Variants in B3GALT1 observed in about 807,000 individuals in gnomAD.
B3GALT1 encodes beta-1,3-galactosyltransferase 1.
A neutral mutation model predicts 23.2 loss-of-function variants in B3GALT1; 10 were observed. The ratio of observed to expected loss-of-function variants is 0.43; its 90% CI spans 0.27 to 0.73. The LOEUF is 0.73. Among genes scored for constraint, B3GALT1 ranks in the 30% least tolerant of loss-of-function variants. The pLI, the probability that B3GALT1 is intolerant of heterozygous loss-of-function variation, is 0.21. For missense variants in B3GALT1, 299 were observed against 405.4 expected, an observed-to-expected ratio of 0.74 and a Z score of 2.25; for synonymous variants, 156 against 141.5, an observed-to-expected ratio of 1.10 and a Z score of -0.73.
chr2:167,657,995 C>A (rs1157602594), intron 3 of B3GALT1, among the ~76,000 whole-genome samples: 1 of 151,844 alleles, frequency 6.6e-6, no homozygotes, highest in African/African-American at 2.4e-5. Context: ...GAGATTCATT[C>A]CCACCAACAT....
At chr2:167,661,143 A>G (rs1686054263) in intron 3 of B3GALT1, among the ~76,000 whole-genome samples, 1 of 152,146 alleles carries the variant, frequency 6.6e-6, no homozygotes, top group African/African-American at 2.4e-5. Context: ...TACAAAAGAA[A>G]TTAATTGAAT....
chr2:167,556,859 G>A (rs953437412), intron 2 of B3GALT1, among the ~76,000 whole-genome samples: 1 of 152,126 alleles, frequency 6.6e-6, no homozygotes, highest in African/African-American at 2.4e-5. Context: ...CCATCTTCCT[G>A]CAATGGAATA....
intron 2 of B3GALT1, among the ~76,000 whole-genome samples, chr2:167,554,616 AAGAGT>A (rs1359058182): frequency 1.3e-5 from 2 of 152,206 alleles, no homozygotes; most frequent in African/African-American, 2.4e-5. Flanking sequence ...TGTATGCAAT[AAGAGT>A]AAAGACTATT....
chr2:167,547,900 T>C (rs886860645), intron 2 of B3GALT1, among the ~76,000 whole-genome samples: 2 of 152,146 alleles, frequency 1.3e-5, no homozygotes, highest in African/African-American at 2.4e-5. Flanking sequence ...CAATTTCCAC[T>C]GGCTATGTGT....
intron 2 of B3GALT1, among the ~76,000 whole-genome samples, chr2:167,553,089 AT>A (rs1485758187): frequency 1.3e-5 from 2 of 152,202 alleles, no homozygotes; most frequent in Admixed American, 1.3e-4. Context: ...AAAATATTTA[AT>A]TCCAATCCAG....
At chr2:167,734,355 T>A (rs954951317) in intron 3 of B3GALT1, among the ~76,000 whole-genome samples, 2 of 152,176 alleles carry the variant, frequency 1.3e-5, no homozygotes, top group Non-Finnish European at 2.9e-5. Context: ...TTTACAAGTT[T>A]GTTTGTTTGT....
intron 2 of B3GALT1, among the ~76,000 whole-genome samples, chr2:167,641,304 C>T (rs779972234): frequency 1.3e-5 from 2 of 152,102 alleles, no homozygotes; most frequent in Non-Finnish European, 1.5e-5. Context: ...CCCTTCAAAC[C>T]ACTTCATTCA....
At position 167,700,333 on chromosome 2, in the gene B3GALT1, C is replaced by G. The variant is rs1686859171; in HGVS notation, c.-352+53367C>G. ...TTAGCAATCTATATGGGAAAGGTTA[C>G]CTTTTCTTGATCTGTTAGAGTTTTT... is the stretch of plus-strand genomic sequence containing the variant. On this transcript the variant is annotated intron_variant, in intron 3 of 4. Coordinates refer to ENST00000392690, the MANE Select transcript of B3GALT1 (RefSeq NM_020981.4). Among the ~76,000 whole-genome samples the G allele has an allele frequency of 4.6e-5, 7 of 152,262 alleles. No homozygotes were observed. The South Asian group carries it at 1.0e-3, about 23-fold the overall frequency.
intron 1 of B3GALT1, among the ~76,000 whole-genome samples, chr2:167,382,353 C>G (rs553238580): frequency 6.6e-6 from 1 of 151,764 alleles, no homozygotes; most frequent in Admixed American, 6.6e-5. Context: ...TTTTTTCCCT[C>G]TTTACTACTT....
intron 2 of B3GALT1, among the ~76,000 whole-genome samples, chr2:167,514,316 G>A (rs987744636): frequency 2.6e-5 from 4 of 152,160 alleles, no homozygotes; most frequent in Admixed American, 1.3e-4. Flanking sequence ...ATCCCATTTT[G>A]TAAAAGAAAA....
intron 3 of B3GALT1, among the ~76,000 whole-genome samples, chr2:167,650,382 T>C (rs1685840727): frequency 6.6e-6 from 1 of 150,930 alleles, no homozygotes; most frequent in Non-Finnish European, 1.5e-5. Flanking sequence ...CACTTGGTCA[T>C]GTTATATATA....
intron 1 of B3GALT1, among the ~76,000 whole-genome samples, chr2:167,451,281 A>G (rs1699086961): frequency 6.6e-6 from 1 of 152,070 alleles, no homozygotes; most frequent in Admixed American, 6.6e-5. Flanking sequence ...GTTTTGTCAT[A>G]TTACCAGAAT....
chr2:167,501,872 G>A (rs899738608), intron 2 of B3GALT1, among the ~76,000 whole-genome samples: 4 of 152,234 alleles, frequency 2.6e-5, no homozygotes, highest in African/African-American at 7.2e-5. Context: ...ACAAGTACAT[G>A]AATGAATTGC....
intron 2 of B3GALT1, among the ~76,000 whole-genome samples, chr2:167,564,529 C>T (rs561515657): frequency 1.1e-4 from 16 of 152,246 alleles, no homozygotes; most frequent in Admixed American, 3.9e-4. Flanking sequence ...AGGTGGAGGC[C>T]GCAGCGAGCC....
At chr2:167,647,631 C>T (rs1173847082) in intron 3 of B3GALT1, among the ~76,000 whole-genome samples, 1 of 152,116 alleles carries the variant, frequency 6.6e-6, no homozygotes, top group Non-Finnish European at 1.5e-5. Context: ...TTCTGAATGT[C>T]TTCCCTAAAG....
intron 1 of B3GALT1, among the ~76,000 whole-genome samples, chr2:167,392,343 G>A (rs1257582089): frequency 1.3e-5 from 2 of 151,962 alleles, no homozygotes; most frequent in Non-Finnish European, 2.9e-5. Flanking sequence ...TTTAACTTTA[G>A]GGATATCTAC....
intron 1 of B3GALT1, among the ~76,000 whole-genome samples, chr2:167,461,011 C>G (rs558086444): frequency 5.3e-5 from 8 of 152,058 alleles, no homozygotes; most frequent in Admixed American, 1.3e-4. Flanking sequence ...GGTCAGTGGT[C>G]GTTTAATTCC....
intron 1 of B3GALT1, among the ~76,000 whole-genome samples, chr2:167,411,979 A>T (rs1009081233): frequency 1.1e-4 from 16 of 152,134 alleles, no homozygotes; most frequent in Admixed American, 1.0e-3. Context: ...GCATGTTCTC[A>T]CTCGTGTAGG....
chr2:167,427,520 GATACTTTC>G (rs1488475751), intron 1 of B3GALT1, among the ~76,000 whole-genome samples: 4 of 152,104 alleles, frequency 2.6e-5, no homozygotes, highest in Non-Finnish European at 5.9e-5. Context: ...AGCCACTTTG[GATACTTTC>G]ATGTAGTCTT....
Sources: allele counts gnomAD v4.1 joint callset (sites outside exome capture counted in the v4.1 genomes callset), GRCh38; gene constraint gnomAD v4.1.1; transcripts MANE v1.5; gene names NCBI Gene and HGNC (gene_info 2026-07-23, HGNC 2026-07-21).